Variants in MYO10 observed in about 807,000 individuals in gnomAD.
MYO10 encodes the protein myosin X, also known as unconventional myosin-X.
In MYO10, 133 loss-of-function variants were observed where a neutral mutation model predicts 257.3. The observed-to-expected ratio is 0.52, with a 90% CI of 0.45 to 0.60. The LOEUF (loss-of-function observed/expected upper bound fraction) is 0.60. Ranked by LOEUF, MYO10 falls within the 20% of genes least tolerant of loss-of-function variation. The pLI is 0.00. For missense variants in MYO10, 2,399 were observed against 2,635.7 expected (o/e 0.91, Z 1.97); for synonymous variants, 1,104 against 1,028.6 (o/e 1.07, Z -1.40).
chr5:16,680,780 C>T (rs746142193), intron 32 of MYO10, among the ~76,000 whole-genome samples: 3 of 152,170 alleles, frequency 2.0e-5, no homozygotes, highest in African/African-American at 4.8e-5. Flanking sequence ...GGACGCTCAT[C>T]GTACAATGAT....
At chr5:16,742,859 G>T (rs1484214630) in intron 19 of MYO10, among the ~76,000 whole-genome samples, 1 of 151,656 alleles carries the variant, frequency 6.6e-6, no homozygotes, top group Non-Finnish European at 1.5e-5. Context: ...GATGGCTCAC[G>T]CCTGTAATCC....
At chr5:16,749,173 G>C (rs1428202615) in intron 19 of MYO10, among the ~76,000 whole-genome samples, 1 of 152,116 alleles carries the variant, frequency 6.6e-6, no homozygotes, top group African/African-American at 2.4e-5. Context: ...GCCTCCCCCA[G>C]CACAGGCATC....
At chr5:16,849,905 A>C (rs1280286932) in intron 2 of MYO10, among the ~76,000 whole-genome samples, 1 of 152,208 alleles carries the variant, frequency 6.6e-6, no homozygotes, top group Non-Finnish European at 1.5e-5. Flanking sequence ...ACCCAAAAAC[A>C]AAAAGCCATT....
chr5:16,886,707 G>A (rs1436556809), intron 1 of MYO10, among the ~76,000 whole-genome samples: 2 of 152,014 alleles, frequency 1.3e-5, no homozygotes, highest in African/African-American at 2.4e-5. Flanking sequence ...TGAGGAAGGC[G>A]GATCACTTGA....
chr5:16,700,823 G>C lies in MYO10; in HGVS notation c.3432+140C>G. The C allele has an allele frequency of 2.7e-6, 3 of 1,107,044 alleles. No individual in the cohort carries two copies. The South Asian group carries it at 5.0e-5, about 18-fold the overall frequency. The allele number at this position is 1,107,044 out of a possible 1,614,324, so 68.6% of individuals were successfully genotyped here. A position where few individuals can be genotyped will look rare whatever the true frequency, so the allele number is the denominator to read the frequency against. On this transcript the variant is annotated intron_variant, in intron 25 of 40. Coordinates refer to ENST00000513610, the MANE Select transcript of MYO10 (RefSeq NM_012334.3). ...AATTGGCTTATGGAATAAGCAAAAG[G>C]TTTAAGATGATCTCTAAGACCACGA...
chr5:16,919,481 T>C (rs1036924471), intron 1 of MYO10, among the ~76,000 whole-genome samples: 3 of 152,190 alleles, frequency 2.0e-5, no homozygotes, highest in Non-Finnish European at 2.9e-5. Flanking sequence ...CCTGGCTCTA[T>C]CATTTCCCAG....
At chr5:16,914,738 C>T (rs1422180685) in intron 1 of MYO10, among the ~76,000 whole-genome samples, 1 of 152,138 alleles carries the variant, frequency 6.6e-6, no homozygotes, top group Non-Finnish European at 1.5e-5. Context: ...TTTATAAGGT[C>T]ACTGCCAGTC....
chr5:16,916,678 C>T (rs1745831113), intron 1 of MYO10, among the ~76,000 whole-genome samples: 2 of 152,112 alleles, frequency 1.3e-5, no homozygotes, highest in Admixed American at 6.5e-5. Flanking sequence ...CCTCACCAAG[C>T]TTTTAGAGTG....
At position 16,666,618 on chromosome 5, in the gene MYO10, T is replaced by A; in HGVS notation, c.*74A>T. On this transcript the variant is annotated 3_prime_UTR_variant, in exon 41 of 41. Transcript: ENST00000513610. ...GCTCTGTGTTTGTTTTGGCTGGGCA[T>A]GGCACACTGGAGCCAGCCTAGGCCA... 1 of 1,292,804 alleles carries A rather than the reference T, an allele frequency of 7.7e-7. No homozygotes were observed. Among genetic ancestry groups the A allele is most frequent in the Non-Finnish European group, 1.1e-6 (1 of 936,482 alleles). 80.1% of individuals were successfully genotyped at this position (1,292,804 alleles called of 1,614,324 possible). A position where few individuals can be genotyped will look rare whatever the true frequency, so the allele number is the denominator to read the frequency against.
chr5:16,681,653 C>A, intron 31 of MYO10, 150 bp from the exon 32 acceptor site: 1 of 1,065,840 alleles, frequency 9.4e-7, no homozygotes, highest in Non-Finnish European at 1.3e-6. Flanking sequence ...GTAAATGGAA[C>A]GACTACATGA....
chr5:16,674,070 C>CA (rs970334896), intron 35 of MYO10, among the ~76,000 whole-genome samples, 181 bp from the exon 36 acceptor site: 2 of 152,134 alleles, frequency 1.3e-5, no homozygotes, highest in African/African-American at 2.4e-5. Flanking sequence ...AATTTAAATA[C>CA]AAAAAACCCC....
chr5:16,934,149 A>G (rs1162561513), intron 1 of MYO10, among the ~76,000 whole-genome samples: 1 of 152,262 alleles, frequency 6.6e-6, no homozygotes, highest in Non-Finnish European at 1.5e-5. Context: ...TGAAAAGAGT[A>G]CTTTGAAAAG....
intron 19 of MYO10, among the ~76,000 whole-genome samples, chr5:16,743,179 C>A (rs1443394331): frequency 6.6e-6 from 1 of 152,150 alleles, no homozygotes; most frequent in Non-Finnish European, 1.5e-5. Context: ...AGTAAGTACA[C>A]AGAGGAAATG....
chr5:16,797,791 T>C (rs576313752), intron 3 of MYO10, among the ~76,000 whole-genome samples: 1 of 152,340 alleles, frequency 6.6e-6, no homozygotes, highest in South Asian at 2.1e-4. Context: ...GAGAGGGGAA[T>C]GACTGCTTCA....
intron 9 of MYO10, among the ~76,000 whole-genome samples, chr5:16,779,020 T>C (rs560660134): frequency 1.3e-4 from 20 of 152,282 alleles, no homozygotes; most frequent in African/African-American, 4.6e-4. Context: ...AACCCTGCTC[T>C]ACTCACCCTT....
intron 2 of MYO10, among the ~76,000 whole-genome samples, chr5:16,832,846 C>T (rs1348081110): frequency 2.0e-5 from 3 of 152,350 alleles, no homozygotes; most frequent in South Asian, 2.1e-4. Context: ...TACTTCCTTA[C>T]CCCTTCCTCA....
At chr5:16,925,490 A>G (rs769440259) in intron 1 of MYO10, among the ~76,000 whole-genome samples, 9 of 152,148 alleles carry the variant, frequency 5.9e-5, no homozygotes, top group Admixed American at 2.6e-4. Context: ...GGCTCACTGC[A>G]ACCTCTGCCT....
At chr5:16,684,270 G>C (rs1311816197) in intron 29 of MYO10, among the ~76,000 whole-genome samples, 4 of 152,144 alleles carry the variant, frequency 2.6e-5, no homozygotes, top group Non-Finnish European at 5.9e-5. Context: ...TTTTGAAACA[G>C]AGTTTCACTC....
chr5:16,672,757 G>C lies in MYO10; in HGVS notation c.5241C>G (p.Tyr1747Ter). ...CAATGGCTTTGTCGACGTGGCCGTT[G>C]TATTCAAACAAAGCAAACATGTTCC... ...DSRNMFALFEYNGHVDKAIES... is the reference protein window; with the variant it reads ...DSRNMFALFE The change falls in exon 37 of 41, where the codon TAC becomes TAG. Residue 1747 changes from tyrosine (Y) to a stop codon, truncating the protein, a stop_gained. Transcript: ENST00000513610. LOFTEE classifies it high-confidence loss of function. The C allele has an allele frequency of 6.2e-7, 1 of 1,613,978 alleles. No homozygotes were observed. Among genetic ancestry groups the C allele is most frequent in the Non-Finnish European group, 8.5e-7 (1 of 1,179,872 alleles).
Sources: gnomAD v4.1 joint callset for allele counts (sites outside exome capture counted in the v4.1 genomes callset) on GRCh38, gnomAD v4.1.1 for gene constraint, MANE v1.5 for transcripts, NCBI Gene and HGNC (gene_info 2026-07-23, HGNC 2026-07-21) for gene names.